RAB40B: variants seen among roughly 807,000 people sequenced by gnomAD.
RAB40B encodes the protein ras-related protein Rab-40B.
RAB40B carries 21 observed loss-of-function variants against 24.0 expected under a neutral mutation model. The observed-to-expected ratio is 0.88, with a 90% CI of 0.62 to 1.26. The LOEUF is 1.26. RAB40B is among the 50% of genes most tolerant of loss of function. The pLI, the probability that RAB40B is intolerant of heterozygous loss-of-function variation, is 0.00. For missense variants in RAB40B, 348 were observed against 390.5 expected, an observed-to-expected ratio of 0.89 and a Z score of 0.92; for synonymous variants, 167 against 169.8, an observed-to-expected ratio of 0.98 and a Z score of 0.13.
chr17:82,664,775 G>T (rs2046233322), intron 1 of RAB40B: 1 of 525,808 alleles, frequency 1.9e-6, no homozygotes, highest in Non-Finnish European at 3.4e-6. Flanking sequence ...CTTGGCCTCT[G>T]TGGGGGTCAG....
In RAB40B at chr17:82,657,853, A is replaced by C. The variant is rs770787173; in HGVS notation, c.*10T>G. ...GGAGAGATTCCGCCGTGTTTCTTTCAGTGCCTTCCTTAAGAAATTTTGCAG... is the reference window on the plus strand; with the variant it reads ...GGAGAGATTCCGCCGTGTTTCTTTCCGTGCCTTCCTTAAGAAATTTTGCAG... On this transcript the variant is annotated 3_prime_UTR_variant, in exon 6 of 6. Transcript: ENST00000571995. 4 of 1,556,476 alleles carry C rather than the reference A, an allele frequency of 2.6e-6. No homozygotes were observed. In the East Asian group the frequency reaches 7.4e-5, roughly 29 times the overall value.
chr17:82,659,506 C>T (rs2046133688), intron 4 of RAB40B, 74 bp downstream of exon 4: 1 of 1,482,194 alleles, frequency 6.7e-7, no homozygotes, highest in African/African-American at 1.4e-5. Flanking sequence ...CCCTGGAGGG[C>T]CCGGCCCTAA....
chr17:82,662,629 G>A, intron 2 of RAB40B: 1 of 985,322 alleles, frequency 1.0e-6, no homozygotes, highest in South Asian at 4.7e-5. Flanking sequence ...GTGTGACCTT[G>A]CTCAGACGAC....
Position 82,663,234 on chromosome 17 carries a change from A to G in RAB40B, c.203+1262T>C, listed in dbSNP as rs2046198471. 6.6e-6 allele frequency among the ~76,000 whole-genome samples: 1 copy of G among 151,796 alleles called. No individual in the cohort carries two copies. Among genetic ancestry groups the G allele is most frequent in the Non-Finnish European group, 1.5e-5 (1 of 67,912 alleles). The stretch of plus-strand genomic sequence containing the variant: ...AGGCTCCCCAGGACTGGCCACTACT[A>G]GACGGGGCAGGCGTAGGAAGGGGAC... On this transcript the variant is annotated intron_variant, in intron 2 of 5. Transcript: ENST00000571995. The surrounding 1 kb of genome is among the most constrained non-coding windows in gnomAD (Gnocchi z 6.2).
intron 1 of RAB40B, among the ~76,000 whole-genome samples, chr17:82,676,067 C>T (rs1427932182): frequency 2.6e-5 from 4 of 152,106 alleles, no homozygotes; most frequent in Non-Finnish European, 5.9e-5. Context: ...CCAATGTCTT[C>T]GTCCATCTCC....
intron 1 of RAB40B, among the ~76,000 whole-genome samples, chr17:82,674,063 A>AGGCGCGGT (rs1378586463): frequency 2.0e-5 from 3 of 152,234 alleles, no homozygotes; most frequent in Non-Finnish European, 4.4e-5. Flanking sequence ...CAACCTGGCC[A>AGGCGCGGT]GGCGCGGTGG....
In RAB40B at chr17:82,663,667, C is replaced by T. The variant is rs989074222; in HGVS notation, c.203+829G>A. ...ACGTCTGGGTCCTCCACCCGCAGGC[C>T]CGACCACAGCCCCGCTGGCACCAGG... On this transcript the variant is annotated intron_variant, in intron 2 of 5. Coordinates refer to ENST00000571995, the MANE Select transcript of RAB40B (RefSeq NM_006822.3). This position sits in a 1 kb window ranked among gnomAD's most constrained non-coding sequence, Gnocchi z 6.2. 1.3e-5 allele frequency among the ~76,000 whole-genome samples: 2 copies of T among 152,108 alleles called. No homozygotes were observed. Among genetic ancestry groups the T allele is most frequent in the African/African-American group, 4.8e-5 (2 of 41,410 alleles).
At chr17:82,693,682 G>A (rs1176938182) in intron 1 of RAB40B, among the ~76,000 whole-genome samples, 2 of 152,110 alleles carry the variant, frequency 1.3e-5, no homozygotes, top group Non-Finnish European at 1.5e-5. Flanking sequence ...AATAAATCAC[G>A]GTAGAGTCAC....
At chr17:82,684,140 G>C (rs1222808213) in intron 1 of RAB40B, among the ~76,000 whole-genome samples, 2 of 149,608 alleles carry the variant, frequency 1.3e-5, no homozygotes, top group East Asian at 2.0e-4. Context: ...AGAATCGCTT[G>C]AACCCGGGAG....
intron 1 of RAB40B, among the ~76,000 whole-genome samples, chr17:82,682,719 T>C (rs942725307): frequency 6.6e-6 from 1 of 152,194 alleles, no homozygotes; most frequent in African/African-American, 2.4e-5. Context: ...CACACAAAAA[T>C]GGCCAATTGA....
Position 82,697,848 on chromosome 17 carries a change from C to T in RAB40B, c.142+607G>A, listed in dbSNP as rs2046626935. 6.6e-6 allele frequency among the ~76,000 whole-genome samples: 1 copy of T among 152,208 alleles called. No individual in the cohort carries two copies. The highest frequency in any genetic ancestry group is 1.5e-5 in the Non-Finnish European group (1 of 68,032). On this transcript the variant is annotated intron_variant, in intron 1 of 5. Coordinates refer to ENST00000571995, the MANE Select transcript of RAB40B (RefSeq NM_006822.3). The surrounding 1 kb of genome is among the most constrained non-coding windows in gnomAD (Gnocchi z 4.9). ...TCTCCGGCCGCTGTCGTGGGGGGTC[C>T]CCTCTTCCGCACGCGAGTCACCTGT...
intron 1 of RAB40B, among the ~76,000 whole-genome samples, chr17:82,668,650 C>G (rs142470055): frequency 6.6e-6 from 1 of 152,394 alleles, no homozygotes; most frequent in South Asian, 2.1e-4. Flanking sequence ...CTGTGCTCCA[C>G]GACTGGAGCG....
At chr17:82,661,303 C>T (rs1598294918) in intron 2 of RAB40B, 1 of 1,254,704 alleles carries the variant, frequency 8.0e-7, no homozygotes, top group East Asian at 3.4e-5. Context: ...TAACATAATT[C>T]TCAGATATTT....
At chr17:82,689,272 G>A (rs1264571792) in intron 1 of RAB40B, among the ~76,000 whole-genome samples, 1 of 152,274 alleles carries the variant, frequency 6.6e-6, no homozygotes, top group African/African-American at 2.4e-5. Context: ...CTGCGGGTCT[G>A]CCTGCTCCAG....
chr17:82,658,807 C>G, intron 4 of RAB40B, 94 bp from the exon 5 acceptor site: 2 of 1,134,508 alleles, frequency 1.8e-6, no homozygotes, highest in South Asian at 1.5e-5. Context: ...GAACCCCCCA[C>G]GAGTTCATGT....
At chr17:82,693,321 T>C (rs1383932435) in intron 1 of RAB40B, among the ~76,000 whole-genome samples, 2 of 152,114 alleles carry the variant, frequency 1.3e-5, no homozygotes, top group African/African-American at 4.8e-5. Context: ...TGGGCATTTT[T>C]CCAAAGAGGA....
intron 3 of RAB40B, 42 bp from the exon 4 acceptor site, chr17:82,659,699 C>G: frequency 6.6e-6 from 10 of 1,514,960 alleles, no homozygotes; most frequent in Non-Finnish European, 9.2e-6. Flanking sequence ...AACACAGATG[C>G]AGGCACAGCT....
Position 82,658,011 on chromosome 17 carries a change from C to T in RAB40B, c.689G>A (p.Gly230Asp), listed in dbSNP as rs2046107296. Residue 230 changes from glycine (G) to aspartate (D), a missense_variant, in exon 6 of 6, where the codon GGC (glycine) becomes GAC (aspartate). Gly to Asp is a moderately conservative substitution (Grantham distance 94). Coordinates refer to ENST00000571995, the MANE Select transcript of RAB40B (RefSeq NM_006822.3). ...GCCGTGCATCATCCTGGCATTCAGGCCGTTGGCCATCGAGAAGGACTTGAG... is the reference window on the plus strand; with the variant it reads ...GCCGTGCATCATCCTGGCATTCAGGTCGTTGGCCATCGAGAAGGACTTGAG... ...SHLKSFSMAN[G>D]LNARMMHGGS... is the part of the protein sequence containing the mutation. The T allele has an allele frequency of 6.2e-7, 1 of 1,614,084 alleles. No individual in the cohort carries two copies.
intron 1 of RAB40B, among the ~76,000 whole-genome samples, chr17:82,686,206 G>C (rs1568043771): frequency 6.6e-6 from 1 of 151,242 alleles, no homozygotes; most frequent in Non-Finnish European, 1.5e-5. Context: ...CCGCTTCCGG[G>C]GTTCAAGTGA....
Sources: allele counts gnomAD v4.1 joint callset (sites outside exome capture counted in the v4.1 genomes callset), GRCh38; gene constraint gnomAD v4.1.1; non-coding constraint Gnocchi (gnomAD v3.1); transcripts MANE v1.5; gene names NCBI Gene and HGNC (gene_info 2026-07-23, HGNC 2026-07-21).